Variants in KCNMB2 observed in about 807,000 individuals in gnomAD.
KCNMB2 encodes potassium calcium-activated channel subfamily M regulatory beta subunit 2.
Under a neutral mutation model 24.5 loss-of-function variants are expected in KCNMB2, and 9 were observed. The observed-to-expected ratio is 0.37, with a 90% CI of 0.22 to 0.64. The LOEUF (loss-of-function observed/expected upper bound fraction) is 0.64, where lower values mean the gene tolerates loss of function less well. Ranked by LOEUF, KCNMB2 falls within the 30% of genes least tolerant of loss-of-function variation. The pLI is 0.63. For missense variants in KCNMB2, 226 were observed against 284.3 expected (o/e 0.79, Z 1.47); for synonymous variants, 109 against 104.4 (o/e 1.04, Z -0.27).
chr3:178,715,500 T>C (rs1039880881), intron 1 of KCNMB2, among the ~76,000 whole-genome samples: 10 of 152,180 alleles, frequency 6.6e-5, no homozygotes, highest in Admixed American at 5.2e-4. Flanking sequence ...TTTTGATGTA[T>C]GTCTCCCTGT....
At chr3:178,598,661 C>T (rs533673870) in intron 1 of KCNMB2, among the ~76,000 whole-genome samples, 2 of 151,698 alleles carry the variant, frequency 1.3e-5, no homozygotes, top group African/African-American at 4.8e-5. Context: ...GGGGTTATAA[C>T]AAAAAAGGCC....
chr3:178,544,844 C>G (rs1406618285), intron 1 of KCNMB2, among the ~76,000 whole-genome samples: 1 of 152,148 alleles, frequency 6.6e-6, no homozygotes, highest in African/African-American at 2.4e-5. Flanking sequence ...AGGTTGCAAA[C>G]TCATTGAAAG....
chr3:178,540,831 C>T (rs1715593759), intron 1 of KCNMB2, among the ~76,000 whole-genome samples: 1 of 152,174 alleles, frequency 6.6e-6, no homozygotes. Flanking sequence ...CAGGACATTA[C>T]ATGCTAAGAT....
chr3:178,771,473 CTTTTT>C (rs66694279), intron 1 of KCNMB2, among the ~76,000 whole-genome samples: 5 of 87,512 alleles, frequency 5.7e-5, no homozygotes, highest in East Asian at 3.0e-4. Flanking sequence ...TTCTTTCTTT[CTTTTT>C]TTTTTTTTTT....
rs564915072 is a variant in KCNMB2 at position 178,796,590 on chromosome 3, T to C, written c.-67-10753T>C. ...ACAATGGAATAAAACTAGAAATCAA[T>C]AACAAGAGGAATTTCGGAAACTATA... is the stretch of plus-strand genomic sequence containing the variant. On this transcript the variant is annotated intron_variant, in intron 1 of 4. Transcript: ENST00000452583. 2.6e-5 allele frequency among the ~76,000 whole-genome samples: 4 copies of C among 152,130 alleles called. No individual in the cohort carries two copies. In the South Asian group the frequency reaches 8.3e-4, roughly 32 times the overall value.
At chr3:178,610,826 T>A (rs1718456166) in intron 1 of KCNMB2, among the ~76,000 whole-genome samples, 1 of 152,230 alleles carries the variant, frequency 6.6e-6, no homozygotes. Flanking sequence ...GAGGAAAGGC[T>A]TTCAGTTTTT....
intron 1 of KCNMB2, among the ~76,000 whole-genome samples, chr3:178,770,466 G>A (rs79965056): frequency 0.021 from 3,174 of 152,224 alleles, 118 homozygotes; most frequent in African/African-American, 0.073. Flanking sequence ...GACCAAGTGC[G>A]GTATTGTATG....
At chr3:178,561,216 G>A (rs1023306108) in intron 1 of KCNMB2, among the ~76,000 whole-genome samples, 1 of 152,060 alleles carries the variant, frequency 6.6e-6, no homozygotes, top group Non-Finnish European at 1.5e-5. Flanking sequence ...GGAACAAGAT[G>A]GCATTATGAA....
intron 1 of KCNMB2, among the ~76,000 whole-genome samples, chr3:178,750,710 A>G (rs1723815995): frequency 6.6e-6 from 1 of 152,176 alleles, no homozygotes; most frequent in African/African-American, 2.4e-5. Context: ...AAAAGTCCTG[A>G]TTTGGCACTG....
At chr3:178,615,448 G>T (rs777241282) in intron 1 of KCNMB2, among the ~76,000 whole-genome samples, 23 of 152,198 alleles carry the variant, frequency 1.5e-4, no homozygotes, top group Non-Finnish European at 2.6e-4. Flanking sequence ...TCTACCTGCT[G>T]TACTATTGTA....
intron 1 of KCNMB2, among the ~76,000 whole-genome samples, chr3:178,634,481 G>GA (rs1437302391): frequency 1.3e-5 from 2 of 152,004 alleles, no homozygotes. Flanking sequence ...AGCAAAATGG[G>GA]AAAAATCCCT....
intron 1 of KCNMB2, among the ~76,000 whole-genome samples, chr3:178,686,710 G>A (rs1014216400): frequency 6.6e-6 from 1 of 152,018 alleles, no homozygotes; most frequent in African/African-American, 2.4e-5. Flanking sequence ...TCTGTATATG[G>A]TGTACAACTT....
chr3:178,647,309 G>T (rs564270719), intron 1 of KCNMB2, among the ~76,000 whole-genome samples: 1 of 152,268 alleles, frequency 6.6e-6, no homozygotes, highest in Admixed American at 6.5e-5. Context: ...TTCATTACCT[G>T]TGTGCTTTTT....
At chr3:178,579,146 CA>C (rs2108487446) in intron 1 of KCNMB2, among the ~76,000 whole-genome samples, 1 of 152,184 alleles carries the variant, frequency 6.6e-6, no homozygotes, top group Admixed American at 6.6e-5. Flanking sequence ...TCAGCAAATG[CA>C]AAAGAACAGA....
intron 1 of KCNMB2, among the ~76,000 whole-genome samples, chr3:178,676,243 A>G (rs899166776): frequency 6.6e-6 from 1 of 152,180 alleles, no homozygotes; most frequent in African/African-American, 2.4e-5. Flanking sequence ...CAGAGCCTGG[A>G]CGCACACCAG....
chr3:178,834,167 G>A (rs1321599784), intron 4 of KCNMB2, among the ~76,000 whole-genome samples: 2 of 152,122 alleles, frequency 1.3e-5, no homozygotes, highest in African/African-American at 4.8e-5. Flanking sequence ...TTCTGATGAT[G>A]TAGAAAAATC....
chr3:178,582,566 G>C (rs1717255436), intron 1 of KCNMB2, among the ~76,000 whole-genome samples: 1 of 152,098 alleles, frequency 6.6e-6, no homozygotes, highest in South Asian at 2.1e-4. Flanking sequence ...ATTTCCTTAA[G>C]ACATGTCATG....
chr3:178,758,567 T>C (rs1307408287), intron 1 of KCNMB2, among the ~76,000 whole-genome samples: 1 of 64,722 alleles, frequency 1.5e-5, no homozygotes, highest in African/African-American at 5.9e-5. Flanking sequence ...AGGAGATATA[T>C]ATATATATAT....
chr3:178,694,732 G>A lies in KCNMB2; in HGVS notation c.-67-112611G>A, dbSNP rs540948737. 5.3e-5 allele frequency among the ~76,000 whole-genome samples: 8 copies of A among 152,350 alleles called. No individual in the cohort carries two copies. In the South Asian group the frequency reaches 1.4e-3, roughly 28 times the overall value. ...AAATCCATGTAATGCTGATTCAAGA[G>A]GTGGGCTCCCAGGGTTTTGAACAGT... On this transcript the variant is annotated intron_variant, in intron 1 of 4. Transcript: ENST00000452583.
Sources: gnomAD v4.1 joint callset for allele counts (sites outside exome capture counted in the v4.1 genomes callset) on GRCh38, gnomAD v4.1.1 for gene constraint, MANE v1.5 for transcripts, NCBI Gene and HGNC (gene_info 2026-07-23, HGNC 2026-07-21) for gene names.